AHCYL2: variants seen among roughly 807,000 people sequenced by gnomAD.
AHCYL2 encodes the protein adenosylhomocysteinase like 2.
In AHCYL2, 28 loss-of-function variants were observed where a neutral mutation model predicts 81.4. The ratio of observed to expected loss-of-function variants is 0.34; its 90% CI spans 0.25 to 0.47. AHCYL2 has a LOEUF of 0.47. Among genes scored for constraint, AHCYL2 ranks in the 20% least tolerant of loss-of-function variants. The pLI is 1.00. For missense variants in AHCYL2, 551 were observed against 785.1 expected, an observed-to-expected ratio of 0.70 and a Z score of 3.56; for synonymous variants, 272 against 290.2, an observed-to-expected ratio of 0.94 and a Z score of 0.64.
Position 129,409,485 on chromosome 7 carries a change from A to C in AHCYL2, c.1305A>C (p.Gly435=), listed in dbSNP as rs770910498. 9.3e-6 allele frequency: 15 copies of C among 1,613,806 alleles called. 1 individual carries two copies. The highest frequency in any genetic ancestry group is 1.7e-4 in the Middle Eastern group (1 of 6,058). ...TGCTTTATTTCAACAGTATGGATGG[A>C]TTTCGACTGGTGAAATTAAATGAGG... ...PICALQACMD[G]FRLVKLNEVI... The change falls in exon 11 of 17, where the codon GGA becomes GGC. Residue 435 remains glycine, a synonymous_variant. Transcript: ENST00000325006.
In AHCYL2 at chr7:129,271,962, C is replaced by G. The variant is rs547635696; in HGVS notation, c.363+46523C>G. 7.6e-4 allele frequency among the ~76,000 whole-genome samples: 115 copies of G among 152,312 alleles called. 1 individual carries two copies. The South Asian group carries it at 0.011, about 15-fold the overall frequency. ...TAGTGGTGGAGTTTATTCCTCTGTT[C>G]ATACCAAATCTGGGCTGGCCTTAGT... is the stretch of plus-strand genomic sequence containing the variant. On this transcript the variant is annotated intron_variant, in intron 1 of 16. Coordinates refer to ENST00000325006, the MANE Select transcript of AHCYL2 (RefSeq NM_015328.4).
At chr7:129,386,175 C>T (rs1430431310) in intron 2 of AHCYL2, among the ~76,000 whole-genome samples, 1 of 151,978 alleles carries the variant, frequency 6.6e-6, no homozygotes, top group Non-Finnish European at 1.5e-5. Flanking sequence ...ATAAAGGGCT[C>T]TTTGAGGCCG....
intron 1 of AHCYL2, among the ~76,000 whole-genome samples, chr7:129,360,757 A>C (rs979823159): frequency 1.3e-5 from 2 of 152,152 alleles, no homozygotes; most frequent in African/African-American, 2.4e-5. Context: ...GCTTTCATTC[A>C]GAGTGGGAAG....
chr7:129,268,844 G>A (rs111811431), intron 1 of AHCYL2, among the ~76,000 whole-genome samples: 13 of 152,124 alleles, frequency 8.5e-5, no homozygotes, highest in African/African-American at 2.9e-4. Context: ...TTCATACTGC[G>A]AAGTTCACTC....
chr7:129,265,337 A>G (rs1022545489), intron 1 of AHCYL2, among the ~76,000 whole-genome samples: 1 of 152,224 alleles, frequency 6.6e-6, no homozygotes, highest in Non-Finnish European at 1.5e-5. Flanking sequence ...CTTCCATTTC[A>G]TCTGATAAAC....
At chr7:129,371,991 A>T (rs1188279880) in intron 1 of AHCYL2, among the ~76,000 whole-genome samples, 1 of 152,080 alleles carries the variant, frequency 6.6e-6, no homozygotes, top group Non-Finnish European at 1.5e-5. Flanking sequence ...CTTGACTATC[A>T]CTCTAGGTCA....
intron 1 of AHCYL2, among the ~76,000 whole-genome samples, chr7:129,337,752 C>CT (rs1200814236): frequency 3.3e-5 from 5 of 151,776 alleles, no homozygotes; most frequent in Admixed American, 1.3e-4. Context: ...TTCAGTCTTT[C>CT]TTTTCTTTGA....
At chr7:129,363,216 T>C (rs1487963502) in intron 1 of AHCYL2, among the ~76,000 whole-genome samples, 1 of 152,198 alleles carries the variant, frequency 6.6e-6, no homozygotes, top group East Asian at 1.9e-4. Context: ...TTAAGGGTAA[T>C]ATAATCATAT....
intron 1 of AHCYL2, among the ~76,000 whole-genome samples, chr7:129,321,772 G>T (rs6944100): frequency 0.96 from 110,022 of 114,486 alleles, 52,799 homozygotes; most frequent in African/African-American, 0.97. Flanking sequence ...TTTGGTCTTG[G>T]TTTTGTTTTT....
intron 1 of AHCYL2, among the ~76,000 whole-genome samples, chr7:129,342,033 C>T (rs548132060): frequency 6.6e-6 from 1 of 152,170 alleles, no homozygotes; most frequent in South Asian, 2.1e-4. Flanking sequence ...ATGTGGGAAC[C>T]AGCATGTACT....
At chr7:129,374,276 C>T (rs1429878947) in intron 1 of AHCYL2, among the ~76,000 whole-genome samples, 3 of 152,164 alleles carry the variant, frequency 2.0e-5, no homozygotes, top group Non-Finnish European at 4.4e-5. Flanking sequence ...AGTCCCATCA[C>T]TTACTTGCTG....
In AHCYL2 at chr7:129,376,803, A is replaced by C. The variant is rs548032544; in HGVS notation, c.364-2835A>C. Among the ~76,000 whole-genome samples, 30 of 152,292 alleles carry C rather than the reference A, an allele frequency of 2.0e-4. No individual in the cohort carries two copies. The South Asian group carries it at 6.0e-3, about 31-fold the overall frequency. On this transcript the variant is annotated intron_variant, in intron 1 of 16. Transcript: ENST00000325006. ...TCTTCTTTAAAGGGGACACTGGAAA[A>C]GTTCCATTATTATTCCTTTTCCTGG...
chr7:129,267,203 C>T (rs1432669562), intron 1 of AHCYL2, among the ~76,000 whole-genome samples: 1 of 145,876 alleles, frequency 6.9e-6, no homozygotes, highest in Admixed American at 6.8e-5. Flanking sequence ...AGTAGTACAC[C>T]CTCCAAGTTA....
At chr7:129,230,034 C>T (rs1794366067) in intron 1 of AHCYL2, among the ~76,000 whole-genome samples, 1 of 151,328 alleles carries the variant, frequency 6.6e-6, no homozygotes, top group Non-Finnish European at 1.5e-5. Context: ...CTACTGTATA[C>T]CAGGCATTGT....
At chr7:129,408,605 A>G (rs779321966) in intron 10 of AHCYL2, among the ~76,000 whole-genome samples, 3 of 152,240 alleles carry the variant, frequency 2.0e-5, no homozygotes, top group African/African-American at 7.2e-5. Context: ...GGTGCTATCC[A>G]GTGGCTAATT....
chr7:129,352,382 TC>T (rs2150831878), intron 1 of AHCYL2, among the ~76,000 whole-genome samples: 1 of 152,316 alleles, frequency 6.6e-6, no homozygotes, highest in East Asian at 1.9e-4. Context: ...AGTCAAGCTG[TC>T]CCCGGTGTAG....
At position 129,379,618 on chromosome 7, in the gene AHCYL2, A is replaced by AC; in HGVS notation, c.364-19dup. On this transcript the variant is annotated intron_variant, in intron 1 of 16. Coordinates refer to ENST00000325006, the MANE Select transcript of AHCYL2 (RefSeq NM_015328.4). ...AATGGAGGTTCTTTTTCTTTATATA[A>AC]CTAGGTTTCTTTTTCTTAGCAGATC... 6.3e-7 allele frequency: 1 copy of AC among 1,598,670 alleles called. No individual in the cohort carries two copies. Among genetic ancestry groups the AC allele is most frequent in the South Asian group, 1.1e-5 (1 of 89,424 alleles).
At chr7:129,226,621 T>G (rs1024656297) in intron 1 of AHCYL2, among the ~76,000 whole-genome samples, 1 of 152,214 alleles carries the variant, frequency 6.6e-6, no homozygotes, top group African/African-American at 2.4e-5. Flanking sequence ...CTTTTTGTTG[T>G]CATAGCGTCA....
intron 1 of AHCYL2, among the ~76,000 whole-genome samples, chr7:129,358,412 A>C (rs575754503): frequency 1.3e-5 from 2 of 152,164 alleles, no homozygotes; most frequent in East Asian, 1.9e-4. Flanking sequence ...AAAAAAAAAA[A>C]CAAAAAGGAA....
Sources: gnomAD v4.1 joint callset for allele counts (sites outside exome capture counted in the v4.1 genomes callset) on GRCh38, gnomAD v4.1.1 for gene constraint, MANE v1.5 for transcripts, NCBI Gene and HGNC (gene_info 2026-07-23, HGNC 2026-07-21) for gene names.